Variants in HFM1 observed in about 807,000 individuals in gnomAD.
HFM1 encodes helicase for meiosis 1, also known as probable ATP-dependent DNA helicase HFM1.
A neutral mutation model predicts 192.1 loss-of-function variants in HFM1; 169 were observed. That is an observed-to-expected ratio of 0.88 (90% confidence interval 0.78 to 1.00). The LOEUF is 1.00. HFM1 is among the 50% of genes least tolerant of loss of function. HFM1 has a pLI of 0.00. For missense variants in HFM1, 1,661 were observed against 1,668.0 expected, an observed-to-expected ratio of 1.00 and a Z score of 0.07; for synonymous variants, 525 against 537.8, an observed-to-expected ratio of 0.98 and a Z score of 0.33.
chr1:91,330,254 TAAA>T (rs918393514), intron 20 of HFM1, among the ~76,000 whole-genome samples: 5 of 146,318 alleles, frequency 3.4e-5, no homozygotes, highest in Non-Finnish European at 6.1e-5. Context: ...ATTATAAAAG[TAAA>T]AAAAAAGAAG....
chr1:91,303,124 T>A (rs56355433), intron 30 of HFM1, among the ~76,000 whole-genome samples: 30,093 of 152,062 alleles, frequency 0.2, 3,399 homozygotes, highest in Non-Finnish European at 0.26. Flanking sequence ...CAGAACACTG[T>A]CATCACCATA....
chr1:91,263,320 G>T (rs1171795416), intron 36 of HFM1, among the ~76,000 whole-genome samples: 1 of 152,172 alleles, frequency 6.6e-6, no homozygotes, highest in African/African-American at 2.4e-5. Flanking sequence ...TAACAGCCAT[G>T]TAAGGAGCAA....
At chr1:91,323,018 C>T in intron 22 of HFM1, 21 bp from the exon 23 acceptor site, 3 of 1,360,540 alleles carry the variant, frequency 2.2e-6, no homozygotes, top group Non-Finnish European at 3.0e-6. Flanking sequence ...AACCACATGG[C>T]AAAACATTTA....
intron 18 of HFM1, among the ~76,000 whole-genome samples, chr1:91,348,244 AAAGG>A (rs1342397070): frequency 5.3e-5 from 8 of 152,188 alleles, no homozygotes; most frequent in African/African-American, 1.9e-4. Context: ...GTAACTATGA[AAAGG>A]AAGAAATGAA....
At chr1:91,300,424 A>T (rs1322712019) in intron 30 of HFM1, among the ~76,000 whole-genome samples, 1 of 152,148 alleles carries the variant, frequency 6.6e-6, no homozygotes, top group Non-Finnish European at 1.5e-5. Context: ...ATCCTCCCTA[A>T]CTCATTTTAT....
intron 20 of HFM1, among the ~76,000 whole-genome samples, chr1:91,338,234 A>G (rs150941225): frequency 6.6e-6 from 1 of 152,310 alleles, no homozygotes; most frequent in Non-Finnish European, 1.5e-5. Flanking sequence ...CCCTGTGTGG[A>G]GCCCAAAGGG....
chr1:91,307,542 T>A (rs989397203), intron 30 of HFM1, among the ~76,000 whole-genome samples: 2 of 152,066 alleles, frequency 1.3e-5, no homozygotes, highest in African/African-American at 4.8e-5. Context: ...AGCCTCAACT[T>A]CCCAGGGTCA....
At chr1:91,268,078 A>C (rs748145574) in intron 34 of HFM1, among the ~76,000 whole-genome samples, 1 of 152,050 alleles carries the variant, frequency 6.6e-6, no homozygotes. Flanking sequence ...TTCAACTACT[A>C]AACAGAGTTC....
intron 3 of HFM1, 39 bp from the exon 4 acceptor site, chr1:91,394,441 A>G (rs371832362): frequency 4.4e-6 from 5 of 1,149,364 alleles, no homozygotes; most frequent in Non-Finnish European, 6.2e-6. Context: ...CATGTTCTCC[A>G]TTAAAGGAAA....
At chr1:91,320,847 A>C (rs945599041) in intron 23 of HFM1, among the ~76,000 whole-genome samples, 3 of 152,244 alleles carry the variant, frequency 2.0e-5, no homozygotes, top group African/African-American at 7.2e-5. Context: ...ACCTCAACTA[A>C]CAGGGGCAGA....
chr1:91,404,818 G>C lies in HFM1; in HGVS notation c.-48C>G, dbSNP rs758360602. The C allele has an allele frequency of 2.2e-6, 1 of 455,690 alleles. No homozygotes were observed. Among genetic ancestry groups the C allele is most frequent in the South Asian group, 1.6e-5 (1 of 64,470 alleles). The allele number at this position is 455,690 out of a possible 1,614,324, so 28.2% of individuals were successfully genotyped here. The stretch of plus-strand genomic sequence containing the variant: ...CTCACCTCCCTGCGGACAGCTCCTA[G>C]GCCAGTCGAGCGCCGATTTATCAGC... On this transcript the variant is annotated 5_prime_UTR_variant, in exon 1 of 39. Coordinates refer to ENST00000370425, the MANE Select transcript of HFM1 (RefSeq NM_001017975.6).
intron 36 of HFM1, among the ~76,000 whole-genome samples, chr1:91,263,570 C>T (rs1207965719): frequency 1.3e-5 from 2 of 151,774 alleles, no homozygotes; most frequent in Non-Finnish European, 2.9e-5. Context: ...AGCAAGACCC[C>T]CATCTCTAGA....
intron 30 of HFM1, among the ~76,000 whole-genome samples, chr1:91,299,628 A>T (rs1380375833): frequency 6.6e-6 from 1 of 152,198 alleles, no homozygotes; most frequent in African/African-American, 2.4e-5. Flanking sequence ...GGATTAAGAA[A>T]TTCACTCAAA....
chr1:91,346,927 A>C (rs1656212024), intron 19 of HFM1, among the ~76,000 whole-genome samples: 1 of 152,154 alleles, frequency 6.6e-6, no homozygotes, highest in Admixed American at 6.6e-5. Context: ...GTTTGAGACC[A>C]GGCTGGAAAA....
At position 91,273,776 on chromosome 1, in the gene HFM1, C is replaced by T. The variant is rs1182386047; in HGVS notation, c.3708G>A (p.Glu1236=). ...YLNISELPIM[E]QWDQPEIYGK... is the part of the protein sequence containing the mutation. ...CATAGATTTCAGGCTGATCCCACTG[C>T]TCCATTATAGGCAATTCAGATATGT... is the stretch of plus-strand genomic sequence containing the variant. The change falls in exon 34 of 39, where the codon GAG becomes GAA. Residue 1236 remains glutamate (E), a synonymous_variant. Transcript: ENST00000370425. 6.2e-6 allele frequency: 10 copies of T among 1,600,282 alleles called. No individual in the cohort carries two copies. Among genetic ancestry groups the T allele is most frequent in the Non-Finnish European group, 8.6e-6 (10 of 1,168,840 alleles).
intron 13 of HFM1, among the ~76,000 whole-genome samples, chr1:91,372,625 T>A (rs930040608): frequency 6.6e-6 from 1 of 151,974 alleles, no homozygotes; most frequent in South Asian, 2.1e-4. Context: ...TTAGGAGATA[T>A]CCCTAATGTT....
At chr1:91,318,496 C>T (rs1651588900) in intron 25 of HFM1, among the ~76,000 whole-genome samples, 1 of 152,096 alleles carries the variant, frequency 6.6e-6, no homozygotes, top group African/African-American at 2.4e-5. Flanking sequence ...GTCACAGGTA[C>T]CAAACAGGAA....
chr1:91,353,057 C>G lies in HFM1; in HGVS notation c.1825G>C (p.Val609Leu). 3 of 1,579,322 alleles carry G rather than the reference C, an allele frequency of 1.9e-6. No individual in the cohort carries two copies. Among genetic ancestry groups the G allele is most frequent in the Non-Finnish European group, 2.6e-6 (3 of 1,150,538 alleles). ...AGAAATATGTTTTACTTACAAAGAA[C>G]TGGTAAATCTCCAACAGTAAAAGCT... ...EGAFTVGDLP[V>L]LFTTSTLAMG... is the part of the protein sequence containing the mutation. Residue 609 changes from valine (V) to leucine (L), a missense_variant, in exon 15 of 39, where the codon GTT becomes CTT. By Grantham distance (32) the Val-to-Leu change is conservative. Coordinates refer to ENST00000370425, the MANE Select transcript of HFM1 (RefSeq NM_001017975.6).
At chr1:91,402,824 A>G (rs1022804377) in intron 1 of HFM1, among the ~76,000 whole-genome samples, 13 of 152,264 alleles carry the variant, frequency 8.5e-5, no homozygotes, top group Admixed American at 5.2e-4. Context: ...TAAGGCTAAC[A>G]TTTATACACT....
Sources: gnomAD v4.1 joint callset for allele counts (sites outside exome capture counted in the v4.1 genomes callset) on GRCh38, gnomAD v4.1.1 for gene constraint, MANE v1.5 for transcripts, NCBI Gene and HGNC (gene_info 2026-07-23, HGNC 2026-07-21) for gene names.